SPRR4: variants seen among roughly 807,000 people sequenced by gnomAD.
The protein encoded by SPRR4 is small proline rich protein 4.
For synonymous variants in SPRR4, 30 were observed against 34.3 expected, an observed-to-expected ratio of 0.87 and a Z score of 0.44; for missense variants, 106 against 91.6, an observed-to-expected ratio of 1.16 and a Z score of -0.64.
Position 152,972,349 on chromosome 1 carries a change from T to A in SPRR4, c.*219T>A. ...TATCCCACCCCGATGCTCTCCCAGGTGGGTGTGAGAGAGACCTCATTCTCT... is the reference window on the plus strand; with the variant it reads ...TATCCCACCCCGATGCTCTCCCAGGAGGGTGTGAGAGAGACCTCATTCTCT... On this transcript the variant is annotated 3_prime_UTR_variant, in exon 2 of 2. Transcript: ENST00000328051. 1 of 723,926 alleles carries A rather than the reference T, an allele frequency of 1.4e-6. No homozygotes were observed. The highest frequency in any genetic ancestry group is 2.2e-6 in the Non-Finnish European group (1 of 444,762). The allele number at this position is 723,926 out of a possible 1,614,324, so 44.8% of individuals were successfully genotyped here.
rs774000039 is a variant in SPRR4 at position 152,972,048 on chromosome 1, A to C, written c.158A>C (p.Gln53Pro). ...CCATGTGCTCCCCAGGTCAAGAAGC[A>C]ATGCCCACCGAAAGGCACCATCATT... ...KDPCAPQVKKQCPPKGTIIPA... is the reference protein window; with the variant it reads ...KDPCAPQVKKPCPPKGTIIPA... The change falls in exon 2 of 2, where the codon CAA becomes CCA. Residue 53 changes from glutamine to proline, a missense_variant. Physicochemically the swap from Gln to Pro is moderately conservative, Grantham distance 76. Coordinates refer to ENST00000328051, the MANE Select transcript of SPRR4 (RefSeq NM_173080.3). The C allele has an allele frequency of 6.2e-7, 1 of 1,614,086 alleles. No individual in the cohort carries two copies. The highest frequency in any genetic ancestry group is 8.5e-7 in the Non-Finnish European group (1 of 1,180,018).
upstream of SPRR4, among the ~76,000 whole-genome samples, chr1:152,969,913 T>C (rs561470274): frequency 6.6e-6 from 1 of 152,274 alleles, no homozygotes; most frequent in South Asian, 2.1e-4. Context: ...AATGGGCAGA[T>C]GGGGACAGCA....
intron 1 of SPRR4, 140 bp downstream of exon 1, chr1:152,970,834 A>C (rs1032218461): frequency 2.6e-5 from 4 of 152,210 alleles, no homozygotes; most frequent in African/African-American, 9.6e-5. Context: ...CAATTGCGGA[A>C]ATGGCACACT....
chr1:152,969,933 G>A (rs148871469), upstream of SPRR4, among the ~76,000 whole-genome samples: 2,828 of 152,288 alleles, frequency 0.019, 33 homozygotes, highest in Non-Finnish European at 0.03. Context: ...ACCGCCGTGT[G>A]CTGGGGCACC....
chr1:152,971,521 C>G (rs1233157519), intron 1 of SPRR4, among the ~76,000 whole-genome samples: 1 of 151,792 alleles, frequency 6.6e-6, no homozygotes, highest in Non-Finnish European at 1.5e-5. Context: ...AGGGGTGGAG[C>G]AGGGATTAGA....
chr1:152,969,025 C>G (rs1296358343), upstream of SPRR4, among the ~76,000 whole-genome samples: 1 of 152,134 alleles, frequency 6.6e-6, no homozygotes, highest in Admixed American at 6.5e-5. Flanking sequence ...GAATGCAGAA[C>G]CAGAATCTGG....
rs539955881 is a variant in SPRR4, at chr1:152,972,286, C to A, written c.*156C>A. ...AAGCATTGTAAGGATTTCTTCCCAT[C>A]GTACCCTTCCCCACACATACCACCT... On this transcript the variant is annotated 3_prime_UTR_variant, in exon 2 of 2. Transcript: ENST00000328051. 1.6e-6 allele frequency: 2 copies of A among 1,255,146 alleles called. No homozygotes were observed. The highest frequency in any genetic ancestry group is 2.6e-5 in the East Asian group (1 of 39,150). 77.8% of individuals were successfully genotyped at this position (1,255,146 alleles called of 1,614,324 possible). A position where few individuals can be genotyped will look rare whatever the true frequency, so the allele number is the denominator to read the frequency against.
At chr1:152,969,904 A>G (rs926641288), upstream of SPRR4, among the ~76,000 whole-genome samples, 3 of 152,102 alleles carry the variant, frequency 2.0e-5, no homozygotes, top group Admixed American at 6.5e-5. Flanking sequence ...CCAACTCCCA[A>G]TGGGCAGATG....
upstream of SPRR4, among the ~76,000 whole-genome samples, chr1:152,969,190 C>T (rs867246758): frequency 1.6e-4 from 25 of 152,196 alleles, no homozygotes; most frequent in African/African-American, 4.6e-4. Context: ...GCTCAGGAGA[C>T]GTTATTAGTC....
Position 152,971,895 on chromosome 1 carries a change from C to G in SPRR4, c.5C>G (p.Ser2Cys). Reference sequence around the variant, plus strand: ...GGCTCACCTGTTCCTAGAGCAATGTCTTCCCAGCAGCAGCAGCGGCAGCAG... The same window carrying G: ...GGCTCACCTGTTCCTAGAGCAATGTGTTCCCAGCAGCAGCAGCGGCAGCAG... M[S>C]SQQQQRQQQQ... is the part of the protein sequence containing the mutation. Residue 2 changes from serine to cysteine, a missense_variant, in exon 2 of 2, where the codon TCT becomes TGT. By Grantham distance (112) the Ser-to-Cys change is moderately radical (BLOSUM62 -1). Transcript: ENST00000328051. 3 of 1,613,890 alleles carry G rather than the reference C, an allele frequency of 1.9e-6. No homozygotes were observed. The highest frequency in any genetic ancestry group is 2.5e-6 in the Non-Finnish European group (3 of 1,180,014).
Position 152,972,077 on chromosome 1 carries a change from G to C in SPRR4, c.187G>C (p.Ala63Pro), listed in dbSNP as rs1406427750. The C allele has an allele frequency of 2.5e-6, 4 of 1,613,994 alleles. No individual in the cohort carries two copies. Among genetic ancestry groups the C allele is most frequent in the Non-Finnish European group, 1.7e-6 (2 of 1,180,006 alleles). Reference protein sequence around the residue: ...QCPPKGTIIPAQQKCPSAQQA... With the variant: ...QCPPKGTIIPPQQKCPSAQQA... ...CCCACCGAAAGGCACCATCATTCCAGCCCAGCAGAAGTGTCCCTCAGCCCA... is the reference window on the plus strand; with the variant it reads ...CCCACCGAAAGGCACCATCATTCCACCCCAGCAGAAGTGTCCCTCAGCCCA... The change falls in exon 2 of 2, where the codon GCC (alanine) becomes CCC (proline). Residue 63 changes from alanine (A) to proline (P), a missense_variant. Physicochemically the swap from Ala to Pro is conservative, Grantham distance 27 (BLOSUM62 -1). Coordinates refer to ENST00000328051, the MANE Select transcript of SPRR4 (RefSeq NM_173080.3).
At chr1:152,971,285 C>A (rs1444915328) in intron 1 of SPRR4, among the ~76,000 whole-genome samples, 2 of 152,136 alleles carry the variant, frequency 1.3e-5, no homozygotes, top group African/African-American at 4.8e-5. Context: ...AATAAGGGTG[C>A]TGAGACCCAC....
intron 1 of SPRR4, among the ~76,000 whole-genome samples, chr1:152,971,367 G>A (rs1327653496): frequency 7.2e-5 from 11 of 152,072 alleles, no homozygotes; most frequent in Non-Finnish European, 1.5e-4. Flanking sequence ...CTTGGCTAGC[G>A]CTCTTTCCTT....
Position 152,972,412 on chromosome 1 carries a change from T to G in SPRR4, c.*282T>G. ...GTGGCCACAGCTAAGGCCCATCCAT[T>G]TCCCAAAGTGAGGAAAGTGTCTGGG... is the stretch of plus-strand genomic sequence containing the variant. On this transcript the variant is annotated 3_prime_UTR_variant, in exon 2 of 2. Coordinates refer to ENST00000328051, the MANE Select transcript of SPRR4 (RefSeq NM_173080.3). 4.4e-6 allele frequency: 2 copies of G among 452,648 alleles called. No individual in the cohort carries two copies. Among genetic ancestry groups the G allele is most frequent in the Non-Finnish European group, 8.3e-6 (2 of 242,272 alleles). The allele number at this position is 452,648 out of a possible 1,614,324, so 28.0% of individuals were successfully genotyped here.
Position 152,972,550 on chromosome 1 carries a change from A to G in SPRR4, c.*420A>G. 4.9e-6 allele frequency: 1 copy of G among 202,506 alleles called. No individual in the cohort carries two copies. The highest frequency in any genetic ancestry group is 1.4e-4 in the East Asian group (1 of 7,084). 12.5% of individuals were successfully genotyped at this position (202,506 alleles called of 1,614,324 possible). A position where few individuals can be genotyped will look rare whatever the true frequency, so the allele number is the denominator to read the frequency against. On this transcript the variant is annotated 3_prime_UTR_variant, in exon 2 of 2. Coordinates refer to ENST00000328051, the MANE Select transcript of SPRR4 (RefSeq NM_173080.3). ...CTGGGCTTCTCTCCTGTTTTCCCCA[A>G]TAAATATGTGCCTCATGTAATAAAT...
At chr1:152,971,610 A>T (rs71517763) in intron 1 of SPRR4, among the ~76,000 whole-genome samples, 6,059 of 137,254 alleles carry the variant, frequency 0.044, 153 homozygotes, top group Middle Eastern at 0.11. Context: ...ACACACACAC[A>T]CACTCACACA....
Position 152,972,096 on chromosome 1 carries a change from C to T in SPRR4, c.206C>T (p.Ser69Leu), listed in dbSNP as rs766531305. Residue 69 changes from serine (S) to leucine (L), a missense_variant, in exon 2 of 2, where the codon TCA becomes TTA. By Grantham distance (145) the Ser-to-Leu change is moderately radical (BLOSUM62 -2). Coordinates refer to ENST00000328051, the MANE Select transcript of SPRR4 (RefSeq NM_173080.3). ...ATTCCAGCCCAGCAGAAGTGTCCCT[C>T]AGCCCAGCAAGCCTCCAAGAGCAAA... Reference protein sequence around the residue: ...TIIPAQQKCPSAQQASKSKQK With the variant: ...TIIPAQQKCPLAQQASKSKQK 6.2e-7 allele frequency: 1 copy of T among 1,614,068 alleles called. No individual in the cohort carries two copies. The highest frequency in any genetic ancestry group is 8.5e-7 in the Non-Finnish European group (1 of 1,179,980).
chr1:152,971,903 C>A lies in SPRR4; in HGVS notation c.13C>A (p.Gln5Lys). ...TGTTCCTAGAGCAATGTCTTCCCAG[C>A]AGCAGCAGCGGCAGCAGCAGCAGTG... MSSQQQQRQQQQCPP... is the reference protein window; with the variant it reads MSSQKQQRQQQQCPP... The change falls in exon 2 of 2, where the codon CAG (glutamine) becomes AAG (lysine). Residue 5 changes from glutamine to lysine, a missense_variant. Transcript: ENST00000328051. 6.2e-7 allele frequency: 1 copy of A among 1,614,062 alleles called. No homozygotes were observed. The highest frequency in any genetic ancestry group is 8.5e-7 in the Non-Finnish European group (1 of 1,180,016).
At chr1:152,970,383 T>C (rs527841124), upstream of SPRR4, among the ~76,000 whole-genome samples, 25 of 152,200 alleles carry the variant, frequency 1.6e-4, no homozygotes, top group Non-Finnish European at 2.2e-4. Context: ...CTCCTTCAAT[T>C]TGTACTATAT....
Sources: allele counts gnomAD v4.1 joint callset (sites outside exome capture counted in the v4.1 genomes callset), GRCh38; gene constraint gnomAD v4.1.1; transcripts MANE v1.5; gene names NCBI Gene and HGNC (gene_info 2026-07-23, HGNC 2026-07-21).